MAP6: variants seen among roughly 807,000 people sequenced by gnomAD.
MAP6 encodes the protein microtubule-associated protein 6.
MAP6 carries 26 observed loss-of-function variants against 42.4 expected under a neutral mutation model. That is an observed-to-expected ratio of 0.61 (90% CI 0.45 to 0.85). The LOEUF is 0.85. Ranked by LOEUF, MAP6 falls within the 40% of genes least tolerant of loss-of-function variation. MAP6 has a pLI of 0.00. For missense variants in MAP6, 966 were observed against 1,099.0 expected, an observed-to-expected ratio of 0.88 and a Z score of 1.71; for synonymous variants, 418 against 443.8, an observed-to-expected ratio of 0.94 and a Z score of 0.73.
At chr11:75,608,075 C>A in intron 2 of MAP6, 34 bp downstream of exon 2, 1 of 1,599,526 alleles carries the variant, frequency 6.3e-7, no homozygotes, top group Non-Finnish European at 8.6e-7. Flanking sequence ...ATGGTCCAGG[C>A]TGTGCTGATG....
intron 1 of MAP6, among the ~76,000 whole-genome samples, chr11:75,653,371 A>C (rs1233405430): frequency 6.6e-6 from 1 of 152,232 alleles, no homozygotes; most frequent in Non-Finnish European, 1.5e-5. Flanking sequence ...ATGCAGGCAT[A>C]ATGCTGTCAG....
chr11:75,603,027 A>G (rs1192364874), intron 3 of MAP6: 26 of 985,664 alleles, frequency 2.6e-5, no homozygotes, highest in Non-Finnish European at 3.1e-5. Context: ...TGTGCGCTAC[A>G]TGTTACATAG....
At chr11:75,642,424 C>T (rs1034013585) in intron 1 of MAP6, among the ~76,000 whole-genome samples, 1 of 152,296 alleles carries the variant, frequency 6.6e-6, no homozygotes, top group East Asian at 1.9e-4. Context: ...AACTACATTT[C>T]CAAGATTCAA....
At chr11:75,616,282 T>C (rs1161681532) in intron 1 of MAP6, among the ~76,000 whole-genome samples, 2 of 152,228 alleles carry the variant, frequency 1.3e-5, no homozygotes, top group Non-Finnish European at 2.9e-5. Flanking sequence ...GTCTAAATCC[T>C]GGGAAAATAA....
intron 3 of MAP6, among the ~76,000 whole-genome samples, chr11:75,597,023 A>G (rs1341925017): frequency 6.6e-6 from 1 of 152,252 alleles, no homozygotes; most frequent in Non-Finnish European, 1.5e-5. Flanking sequence ...CTCACCACTT[A>G]CAAGTTGTGT....
In MAP6 at chr11:75,608,108, C is replaced by T; in HGVS notation, c.1119+1G>A. 6.2e-7 allele frequency: 1 copy of T among 1,613,430 alleles called. No homozygotes were observed. The highest frequency in any genetic ancestry group is 8.5e-7 in the Non-Finnish European group (1 of 1,179,920). ...ATGGGTTCCCACAAGGTCTGTCTCACCTTTGGGGGTTCCTTGAAGGGTTCG... is the reference window on the plus strand; with the variant it reads ...ATGGGTTCCCACAAGGTCTGTCTCATCTTTGGGGGTTCCTTGAAGGGTTCG... On this transcript the variant is annotated splice_donor_variant, in intron 2 of 3. Coordinates refer to ENST00000304771, the MANE Select transcript of MAP6 (RefSeq NM_033063.2). LOFTEE classifies it high-confidence loss of function.
chr11:75,652,870 C>T (rs1943672605), intron 1 of MAP6, among the ~76,000 whole-genome samples: 1 of 151,548 alleles, frequency 6.6e-6, no homozygotes, highest in South Asian at 2.1e-4. Context: ...AAGAAAAATA[C>T]TGTGAATCCA....
intron 1 of MAP6, among the ~76,000 whole-genome samples, chr11:75,627,821 T>C (rs1943222477): frequency 6.6e-6 from 1 of 152,080 alleles, no homozygotes; most frequent in Non-Finnish European, 1.5e-5. Context: ...ACAAAAATAC[T>C]ACAATTAGGA....
intron 1 of MAP6, among the ~76,000 whole-genome samples, chr11:75,661,454 T>G (rs1398710459): frequency 1.3e-5 from 2 of 151,816 alleles, no homozygotes; most frequent in African/African-American, 2.4e-5. Flanking sequence ...AGATAAAAAA[T>G]AGCAAACCAA....
intron 1 of MAP6, among the ~76,000 whole-genome samples, chr11:75,634,045 G>A (rs758540028): frequency 5.3e-5 from 8 of 152,112 alleles, no homozygotes; most frequent in Admixed American, 3.9e-4. Flanking sequence ...AGACTCCTTC[G>A]ATAGTCCAGA....
chr11:75,615,417 C>A (rs946390290), intron 1 of MAP6, among the ~76,000 whole-genome samples: 3 of 152,184 alleles, frequency 2.0e-5, no homozygotes, highest in Non-Finnish European at 4.4e-5. Context: ...ATGGTAGACA[C>A]GTGCATAATA....
At chr11:75,604,684 T>C in intron 3 of MAP6, 1 of 985,412 alleles carries the variant, frequency 1.0e-6, no homozygotes. Context: ...TTGGGGGCTT[T>C]GGCCACACAC....
chr11:75,588,074 G>A lies in MAP6; in HGVS notation c.1427C>T (p.Pro476Leu). The A allele has an allele frequency of 6.2e-7, 1 of 1,614,102 alleles. No homozygotes were observed. Among genetic ancestry groups the A allele is most frequent in the Non-Finnish European group, 8.5e-7 (1 of 1,180,048 alleles). The change falls in exon 4 of 4, where the codon CCT becomes CTT. Residue 476 changes from proline to leucine, a missense_variant. By Grantham distance (98) the Pro-to-Leu change is moderately conservative (BLOSUM62 -3). Transcript: ENST00000304771. The stretch of plus-strand genomic sequence containing the variant: ...CTTCTTCAGAGGCTCTTGCACCATA[G>A]GACCTTGACCTTTCAGAAGGCCTGG... ...VVPGLLKGQG[P>L]MVQEPLKKQG...
intron 1 of MAP6, 49 bp from the exon 2 acceptor site, chr11:75,608,371 A>T: frequency 6.8e-7 from 1 of 1,468,522 alleles, no homozygotes; most frequent in Non-Finnish European, 9.5e-7. Context: ...TCTGCCTGGA[A>T]GCAGAGCTCC....
chr11:75,594,891 G>T (rs1019430258), intron 3 of MAP6, among the ~76,000 whole-genome samples: 1 of 152,108 alleles, frequency 6.6e-6, no homozygotes, highest in Non-Finnish European at 1.5e-5. Context: ...CCACCACCTG[G>T]GTACAGGCAC....
At chr11:75,601,165 G>A (rs1051027016) in intron 3 of MAP6, among the ~76,000 whole-genome samples, 4 of 152,186 alleles carry the variant, frequency 2.6e-5, no homozygotes, top group African/African-American at 9.6e-5. Context: ...ATTGCCCAAC[G>A]CTTGCCCTTT....
chr11:75,624,015 G>T (rs1361869335), intron 1 of MAP6, among the ~76,000 whole-genome samples: 1 of 152,220 alleles, frequency 6.6e-6, no homozygotes, highest in Admixed American at 6.5e-5. Flanking sequence ...GGCCAGCAGC[G>T]GGTGGGCAGT....
At chr11:75,664,997 C>G (rs1943921413) in intron 1 of MAP6, among the ~76,000 whole-genome samples, 2 of 152,066 alleles carry the variant, frequency 1.3e-5, no homozygotes, top group South Asian at 4.1e-4. Flanking sequence ...ATTTCAAAAC[C>G]CTTTTGATTA....
chr11:75,607,941 T>G (rs1161621806), intron 2 of MAP6, among the ~76,000 whole-genome samples, 168 bp downstream of exon 2: 1 of 152,154 alleles, frequency 6.6e-6, no homozygotes, highest in Non-Finnish European at 1.5e-5. Flanking sequence ...TTAACAAAGG[T>G]TCCTATTGAA....
Sources: gnomAD v4.1 joint callset for allele counts (sites outside exome capture counted in the v4.1 genomes callset) on GRCh38, gnomAD v4.1.1 for gene constraint, MANE v1.5 for transcripts, NCBI Gene and HGNC (gene_info 2026-07-23, HGNC 2026-07-21) for gene names.